PRPF18: variants seen among roughly 807,000 people sequenced by gnomAD.
The protein encoded by PRPF18 is pre-mRNA-splicing factor 18.
PRPF18 carries 38 observed loss-of-function variants against 46.5 expected under a neutral mutation model. The observed-to-expected ratio is 0.82, with a 90% CI of 0.63 to 1.07. PRPF18 has a LOEUF of 1.07. Among genes scored for constraint, PRPF18 ranks in the 50% least tolerant of loss-of-function variants. The pLI, the probability that PRPF18 is intolerant of heterozygous loss-of-function variation, is 0.00. For synonymous variants in PRPF18, 152 were observed against 146.7 expected (o/e 1.04, Z -0.26); for missense variants, 263 against 410.0 (o/e 0.64, Z 3.10).
the PRPF18 span, among the ~76,000 whole-genome samples, chr10:13,638,274 G>T: frequency 6.6e-5 from 10 of 150,746 alleles, no homozygotes; most frequent in African/African-American, 2.2e-4. Context: ...AAAGATGGCA[G>T]AGCAGAAGAT....
the PRPF18 span, chr10:13,653,739 CA>C: frequency 6.6e-6 from 1 of 152,612 alleles, no homozygotes; most frequent in Admixed American, 6.5e-5. Context: ...ACAGAAGAGG[CA>C]GGTGCTGTAG....
intron 3 of PRPF18, 73 bp from the exon 4 acceptor site, chr10:13,605,556 TGG>T: frequency 1.5e-6 from 2 of 1,356,296 alleles, no homozygotes; most frequent in Admixed American, 6.1e-5. Context: ...CACTCCAGCC[TGG>T]GCAACAGAGT....
At chr10:13,620,871 A>G (rs1383920397) in intron 9 of PRPF18, among the ~76,000 whole-genome samples, 2 of 152,252 alleles carry the variant, frequency 1.3e-5, no homozygotes, top group Non-Finnish European at 2.9e-5. Context: ...AAAATTAAAT[A>G]TACCACAAGG....
At chr10:13,647,712 C>T in the PRPF18 span, 1 of 141,076 alleles carries the variant, frequency 7.1e-6, no homozygotes. Context: ...ATAGGAAAGT[C>T]TATAGAAGAA....
At chr10:13,600,170 G>A (rs1289487716) in intron 2 of PRPF18, 74 bp from the exon 3 acceptor site, 1 of 1,184,140 alleles carries the variant, frequency 8.4e-7, no homozygotes, top group Admixed American at 2.3e-5. Flanking sequence ...AACTTCCATA[G>A]CTAAGGTAAT....
intron 9 of PRPF18, among the ~76,000 whole-genome samples, chr10:13,616,972 T>C (rs1409701477): frequency 6.6e-6 from 1 of 152,200 alleles, no homozygotes; most frequent in Admixed American, 6.5e-5. Flanking sequence ...TCAAGATGTA[T>C]GGAGAGTAAA....
the PRPF18 span, chr10:13,642,021 A>G: frequency 7.1e-6 from 1 of 140,486 alleles, no homozygotes; most frequent in African/African-American, 2.6e-5. Context: ...TATTCTTCTG[A>G]ATGCAGTGCA....
chr10:13,587,179 G>C, intron 1 of PRPF18, 27 bp downstream of exon 1: 1 of 1,598,488 alleles, frequency 6.3e-7, no homozygotes, highest in Non-Finnish European at 8.6e-7. Context: ...CGTGGGGGTC[G>C]GGATGTAAGA....
chr10:13,621,249 C>G (rs376251100), intron 9 of PRPF18, among the ~76,000 whole-genome samples: 3 of 152,196 alleles, frequency 2.0e-5, no homozygotes, highest in African/African-American at 7.2e-5. Context: ...ACTGTGTTCC[C>G]TCCAAACGTG....
rs780781452 is a variant in PRPF18 at position 13,610,090 on chromosome 10, C to G, written c.415C>G (p.Leu139Val). Residue 139 changes from leucine (L) to valine (V), a missense_variant, in exon 5 of 10, where the codon CTC (leucine) becomes GTC (valine). Leu to Val is a conservative substitution (Grantham distance 32). This residue lies in a region of PRPF18 where 155 missense variants were observed against 245.1 expected (regional missense o/e 0.63). Transcript: ENST00000378572. ...AALDKIDQQYLNEIVGGQEPG... is the reference protein window; with the variant it reads ...AALDKIDQQYVNEIVGGQEPG... Reference sequence around the variant, plus strand: ...CTTGGATAAGATTGATCAGCAGTACCTCAATGAAATCGTCGGCGGTCAGGA... The same window carrying G: ...CTTGGATAAGATTGATCAGCAGTACGTCAATGAAATCGTCGGCGGTCAGGA... 1 of 1,613,688 alleles carries G rather than the reference C, an allele frequency of 6.2e-7. No homozygotes were observed. Among genetic ancestry groups the G allele is most frequent in the Non-Finnish European group, 8.5e-7 (1 of 1,179,646 alleles).
the PRPF18 span, chr10:13,654,355 T>G: frequency 9.5e-7 from 1 of 1,054,536 alleles, no homozygotes; most frequent in Admixed American, 1.7e-5. Context: ...GTCACCAGGA[T>G]CTGAACGTCT....
At chr10:13,627,826 GA>G (rs2080531631) in intron 9 of PRPF18, among the ~76,000 whole-genome samples, 2 of 152,146 alleles carry the variant, frequency 1.3e-5, no homozygotes, top group South Asian at 4.1e-4. Context: ...CTGACATGGG[GA>G]AAACCACCTC....
intron 3 of PRPF18, among the ~76,000 whole-genome samples, chr10:13,602,865 T>C (rs2080133087): frequency 6.6e-6 from 1 of 152,184 alleles, no homozygotes; most frequent in African/African-American, 2.4e-5. Context: ...CCCAAGTAGC[T>C]GGGACTGCAG....
the PRPF18 span, among the ~76,000 whole-genome samples, chr10:13,636,381 T>C: frequency 6.6e-6 from 1 of 152,234 alleles, no homozygotes; most frequent in Non-Finnish European, 1.5e-5. Flanking sequence ...ATCACACTGC[T>C]GCGTTCCAGC....
the PRPF18 span, chr10:13,652,228 A>C: frequency 1.0e-4 from 54 of 532,388 alleles, no homozygotes; most frequent in South Asian, 3.1e-4. Context: ...CATAGCAAAC[A>C]GTTTATGCCA....
chr10:13,644,495 G>A, the PRPF18 span: 1 of 152,144 alleles, frequency 6.6e-6, no homozygotes, highest in African/African-American at 2.4e-5. Context: ...GATGTTTGTT[G>A]GAACTGTAAT....
chr10:13,590,090 T>C (rs2079935344), intron 1 of PRPF18, among the ~76,000 whole-genome samples: 1 of 149,626 alleles, frequency 6.7e-6, no homozygotes, highest in Admixed American at 6.8e-5. Flanking sequence ...TTCTTCGTCA[T>C]TGAAATGCAC....
At chr10:13,595,304 G>A (rs137962877) in intron 1 of PRPF18, among the ~76,000 whole-genome samples, 6 of 152,304 alleles carry the variant, frequency 3.9e-5, no homozygotes, top group African/African-American at 1.4e-4. Flanking sequence ...GATTTTGTTA[G>A]GTGTGTTCAA....
chr10:13,601,598 C>G (rs1186979061), intron 3 of PRPF18, among the ~76,000 whole-genome samples: 2 of 152,200 alleles, frequency 1.3e-5, no homozygotes, highest in East Asian at 1.9e-4. Context: ...AGATGACATG[C>G]ATTTGTGCCT....
Sources: allele counts gnomAD v4.1 joint callset (sites outside exome capture counted in the v4.1 genomes callset), GRCh38; gene constraint gnomAD v4.1.1; regional missense constraint gnomAD v4.1.1; transcripts MANE v1.5; gene names NCBI Gene and HGNC (gene_info 2026-07-23, HGNC 2026-07-21).